MACROD2: variants seen among roughly 807,000 people sequenced by gnomAD.
MACROD2 encodes mono-ADP ribosylhydrolase 2.
In MACROD2, 36 loss-of-function variants were observed where a neutral mutation model predicts 70.4. The ratio of observed to expected loss-of-function variants is 0.51; its 90% CI spans 0.39 to 0.68. The LOEUF (loss-of-function observed/expected upper bound fraction) is 0.68, where lower values mean the gene tolerates loss of function less well. Ranked by LOEUF, MACROD2 falls within the 30% of genes least tolerant of loss-of-function variation. The pLI is 0.00. For missense variants in MACROD2, 496 were observed against 538.4 expected (o/e 0.92, Z 0.78); for synonymous variants, 172 against 178.8 (o/e 0.96, Z 0.30).
At chr20:15,060,583 C>T (rs2123078125) in intron 5 of MACROD2, among the ~76,000 whole-genome samples, 1 of 152,272 alleles carries the variant, frequency 6.6e-6, no homozygotes, top group South Asian at 2.1e-4. Context: ...AACTTTCCCC[C>T]AGCGCCTTCA....
In MACROD2 at chr20:14,211,141, A is replaced by G. The variant is rs977833519; in HGVS notation, c.271+125413A>G. 3.3e-5 allele frequency among the ~76,000 whole-genome samples: 5 copies of G among 152,338 alleles called. No individual in the cohort carries two copies. The East Asian group carries it at 7.7e-4, about 24-fold the overall frequency. On this transcript the variant is annotated intron_variant, in intron 3 of 17. Coordinates refer to ENST00000684519, the MANE Select transcript of MACROD2 (RefSeq NM_001351661.2). ...AAACGTATACATTGTGGATTCCTTT[A>G]TAATACTGTTCTATCAGGAAAGTAA...
At chr20:14,866,604 A>G (rs2073430273) in intron 5 of MACROD2, among the ~76,000 whole-genome samples, 1 of 152,148 alleles carries the variant, frequency 6.6e-6, no homozygotes, top group Non-Finnish European at 1.5e-5. Flanking sequence ...CAGGAGAACA[A>G]CAGTTAATCT....
At chr20:14,327,236 A>G (rs1378755718) in intron 3 of MACROD2, 1 of 1,613,738 alleles carries the variant, frequency 6.2e-7, no homozygotes, top group Admixed American at 1.7e-5. Flanking sequence ...CTGTTGTGGT[A>G]TAGGTATATT....
At chr20:15,453,103 G>A (rs569036239) in intron 7 of MACROD2, among the ~76,000 whole-genome samples, 1 of 152,248 alleles carries the variant, frequency 6.6e-6, no homozygotes, top group African/African-American at 2.4e-5. Flanking sequence ...AGGACCTGCT[G>A]TTTAGTCTTT....
chr20:15,330,448 C>A (rs1421843573), intron 6 of MACROD2, among the ~76,000 whole-genome samples: 1 of 151,440 alleles, frequency 6.6e-6, no homozygotes, highest in Non-Finnish European at 1.5e-5. Context: ...GCAGAAGGGC[C>A]TCTCCCTATC....
At chr20:14,292,167 G>A (rs1035496935) in intron 3 of MACROD2, among the ~76,000 whole-genome samples, 13 of 151,870 alleles carry the variant, frequency 8.6e-5, no homozygotes, top group South Asian at 2.1e-4. Flanking sequence ...TCCCAGAAAG[G>A]CAACTGAAGA....
At chr20:15,031,651 G>A (rs6034087) in intron 5 of MACROD2, among the ~76,000 whole-genome samples, 75,822 of 151,934 alleles carry the variant, frequency 0.5, 20,031 homozygotes, top group African/African-American at 0.69. Flanking sequence ...GTTGATTCCC[G>A]CAGCTGTTAG....
At chr20:14,659,665 C>T (rs1274621671) in intron 4 of MACROD2, among the ~76,000 whole-genome samples, 1 of 152,140 alleles carries the variant, frequency 6.6e-6, no homozygotes, top group African/African-American at 2.4e-5. Context: ...GAAAAAGCGC[C>T]TGGTGAACAA....
chr20:14,952,574 A>G (rs762935770), intron 5 of MACROD2, among the ~76,000 whole-genome samples: 1 of 152,130 alleles, frequency 6.6e-6, no homozygotes, highest in East Asian at 1.9e-4. Flanking sequence ...AGCAACCCAC[A>G]TATCTCATTA....
chr20:14,168,729 C>T (rs1236167478), intron 3 of MACROD2, among the ~76,000 whole-genome samples: 2 of 151,920 alleles, frequency 1.3e-5, no homozygotes, highest in Admixed American at 1.3e-4. Flanking sequence ...TATCTTTCCC[C>T]CTTGCCTTTT....
intron 5 of MACROD2, among the ~76,000 whole-genome samples, chr20:14,976,940 A>G (rs1393164951): frequency 2.0e-5 from 3 of 152,048 alleles, no homozygotes; most frequent in Non-Finnish European, 2.9e-5. Flanking sequence ...TTATATAAAC[A>G]TTTTCTTCAA....
chr20:14,860,604 A>G (rs1400045686), intron 5 of MACROD2, among the ~76,000 whole-genome samples: 2 of 152,076 alleles, frequency 1.3e-5, no homozygotes. Context: ...TCCAGTTCTC[A>G]CTGGCCCCTT....
At chr20:15,045,719 G>GTTTTTTTTTTTTTTTTTTTTTT (rs71335981) in intron 5 of MACROD2, among the ~76,000 whole-genome samples, 1 of 73,382 alleles carries the variant, frequency 1.4e-5, no homozygotes, top group Non-Finnish European at 2.5e-5. Context: ...CCAGACCAGG[G>GTTTTTTTTTTTTTTTTTTTTTT]TTTTTTTTTT....
intron 3 of MACROD2, among the ~76,000 whole-genome samples, chr20:14,434,190 G>A (rs1391759497): frequency 2.0e-5 from 3 of 152,118 alleles, no homozygotes; most frequent in East Asian, 1.9e-4. Context: ...TCTATAATGC[G>A]ATTCTGTATC....
chr20:15,032,332 CG>C (rs2075282074), intron 5 of MACROD2, among the ~76,000 whole-genome samples: 1 of 152,232 alleles, frequency 6.6e-6, no homozygotes, highest in African/African-American at 2.4e-5. Flanking sequence ...TGGCCCCCGT[CG>C]GCTCCGCACG....
chr20:14,862,152 AATATATAAATATATATAAAT>A lies in MACROD2; in HGVS notation c.418+177210_418+177229del, dbSNP rs1180926278. ...TATATATAAATATATATTATACATA[AATATATAAATATATATAAAT>A]ATATATAAATATATATTTATACATA... is the stretch of plus-strand genomic sequence containing the variant. On this transcript the variant is annotated intron_variant, in intron 5 of 17. Transcript: ENST00000684519. Among the ~76,000 whole-genome samples, 28 of 19,324 alleles carry A rather than the reference AATATATAAATATATATAAAT, an allele frequency of 1.4e-3. 2 individuals carry two copies. Among genetic ancestry groups the A allele is most frequent in the African/African-American group, 4.4e-3 (27 of 6,128 alleles). The allele number at this position is 19,324 out of a possible 152,430, so 12.7% of individuals were successfully genotyped here.
rs191199174 is a variant in MACROD2, at chr20:14,614,448, G to A, written c.302-70395G>A. Reference sequence around the variant, plus strand: ...CCAGTACTGGGAGCAATTGAAATTGGGAGCAATTATTGAAATTGCTGAGGT... The same window carrying A: ...CCAGTACTGGGAGCAATTGAAATTGAGAGCAATTATTGAAATTGCTGAGGT... On this transcript the variant is annotated intron_variant, in intron 4 of 17. Coordinates refer to ENST00000684519, the MANE Select transcript of MACROD2 (RefSeq NM_001351661.2). Among the ~76,000 whole-genome samples the A allele has an allele frequency of 2.2e-4, 34 of 152,138 alleles. No individual in the cohort carries two copies. In the Middle Eastern group the frequency reaches 0.014, roughly 61 times the overall value.
chr20:15,044,495 C>G lies in MACROD2; in HGVS notation c.419-185445C>G, dbSNP rs544836368. On this transcript the variant is annotated intron_variant, in intron 5 of 17. Coordinates refer to ENST00000684519, the MANE Select transcript of MACROD2 (RefSeq NM_001351661.2). Reference sequence around the variant, plus strand: ...CCATTTGCCCTCCAGACCCACTCTTCCCATCTTTCCCATTCTCTCTGCCTG... The same window carrying G: ...CCATTTGCCCTCCAGACCCACTCTTGCCATCTTTCCCATTCTCTCTGCCTG... Among the ~76,000 whole-genome samples, 7 of 152,244 alleles carry G rather than the reference C, an allele frequency of 4.6e-5. No homozygotes were observed. In the South Asian group the frequency reaches 1.5e-3, roughly 32 times the overall value.
intron 8 of MACROD2, among the ~76,000 whole-genome samples, chr20:15,845,943 C>A (rs2064226230): frequency 6.6e-6 from 1 of 152,172 alleles, no homozygotes; most frequent in Admixed American, 6.5e-5. Context: ...AACCTCCTCT[C>A]CCACAAAACA....
Sources: allele counts gnomAD v4.1 joint callset (sites outside exome capture counted in the v4.1 genomes callset), GRCh38; gene constraint gnomAD v4.1.1; transcripts MANE v1.5; gene names NCBI Gene and HGNC (gene_info 2026-07-23, HGNC 2026-07-21).